The following NLRP11 variants were observed in gnomAD, a reference collection of about 807,000 sequenced individuals.
The protein encoded by NLRP11 is NLR family pyrin domain containing 11.
Under a neutral mutation model 79.3 loss-of-function variants are expected in NLRP11, and 53 were observed. That is an observed-to-expected ratio of 0.67 (90% CI 0.54 to 0.84). The LOEUF is 0.84. NLRP11 is among the 40% of genes least tolerant of loss of function. The pLI, the probability that NLRP11 is intolerant of heterozygous loss-of-function variation, is 0.00. For missense variants in NLRP11, 1,264 were observed against 1,255.0 expected, an observed-to-expected ratio of 1.01 and a Z score of -0.11; for synonymous variants, 518 against 462.6, an observed-to-expected ratio of 1.12 and a Z score of -1.54.
At chr19:55,821,231 ACACACACACACACACACAC>A (rs1385691153) in intron 1 of NLRP11, among the ~76,000 whole-genome samples, 7 of 106,562 alleles carry the variant, frequency 6.6e-5, no homozygotes, top group African/African-American at 4.5e-4. Context: ...ACACACACAC[ACACACACACACACACACAC>A]CCCAAGCACT....
intron 5 of NLRP11, chr19:55,798,462 G>C (rs1367435820): frequency 3.3e-6 from 1 of 305,726 alleles, no homozygotes; most frequent in African/African-American, 2.3e-5. Flanking sequence ...TAAATGATGA[G>C]AACACATGGA....
At chr19:55,821,997 G>A (rs1430952998) in intron 1 of NLRP11, among the ~76,000 whole-genome samples, 7 of 152,180 alleles carry the variant, frequency 4.6e-5, no homozygotes, top group African/African-American at 1.2e-4. Context: ...AGTGGCTCAC[G>A]CCTGTAATCC....
intron 6 of NLRP11, among the ~76,000 whole-genome samples, chr19:55,793,638 A>T (rs927746244): frequency 6.9e-6 from 1 of 144,190 alleles, no homozygotes; most frequent in Non-Finnish European, 1.5e-5. Flanking sequence ...TGGCTCTGGT[A>T]TGGGAAAAGG....
chr19:55,835,725 G>A (rs1983197570), upstream of NLRP11, among the ~76,000 whole-genome samples: 1 of 149,892 alleles, frequency 6.7e-6, no homozygotes, highest in Non-Finnish European at 1.5e-5. Flanking sequence ...GCTCATGCCT[G>A]TAATTCCGGC....
chr19:55,800,457 G>A (rs1045950675), intron 5 of NLRP11, among the ~76,000 whole-genome samples: 1 of 152,126 alleles, frequency 6.6e-6, no homozygotes, highest in Non-Finnish European at 1.5e-5. Context: ...ACAGGCACCT[G>A]CTACCATGCC....
In NLRP11 at chr19:55,809,480, G is replaced by A. The variant is rs201072112; in HGVS notation, c.1130C>T (p.Ala377Val). 7.4e-6 allele frequency: 12 copies of A among 1,614,106 alleles called. No individual in the cohort carries two copies. Among genetic ancestry groups the A allele is most frequent in the Middle Eastern group, 3.3e-4 (2 of 6,062 alleles). Reference sequence around the variant, plus strand: ...AGTAAGTCCAGCCTCTGATGTCAACGCATCAGCAAGAAAGTGGGCATGTAG... The same window carrying A: ...AGTAAGTCCAGCCTCTGATGTCAACACATCAGCAAGAAAGTGGGCATGTAG... The change falls in exon 3 of 10, where the codon GCG becomes GTG. Residue 377 changes from alanine to valine, a missense_variant. By Grantham distance (64) the Ala-to-Val change is moderately conservative (BLOSUM62 0). Coordinates refer to ENST00000589093, the Ensembl canonical transcript of NLRP11. This position sits in a 1 kb window ranked among gnomAD's most constrained non-coding sequence, Gnocchi z 4.5.
intron 6 of NLRP11, among the ~76,000 whole-genome samples, chr19:55,793,430 T>G: frequency 6.6e-6 from 1 of 151,204 alleles, no homozygotes; most frequent in Non-Finnish European, 1.5e-5. Context: ...TTAGCCGGCA[T>G]AGTGGTGTGC....
chr19:55,795,263 C>G (rs1250209532), intron 6 of NLRP11, among the ~76,000 whole-genome samples: 4 of 152,108 alleles, frequency 2.6e-5, no homozygotes, highest in African/African-American at 9.7e-5. Flanking sequence ...ACAGGGAGAG[C>G]CCGTCTTCCA....
intron 1 of NLRP11, among the ~76,000 whole-genome samples, chr19:55,819,045 A>G (rs981150826): frequency 6.6e-5 from 10 of 151,980 alleles, no homozygotes; most frequent in African/African-American, 2.2e-4. Context: ...CCCAGGGTCA[A>G]GATGACTGCA....
intron 1 of NLRP11, among the ~76,000 whole-genome samples, chr19:55,823,206 T>A (rs1285354159): frequency 2.8e-5 from 4 of 144,000 alleles, no homozygotes; most frequent in Admixed American, 6.9e-5. Flanking sequence ...GAGGGTCCTG[T>A]CTGTTAGAAG....
intron 2 of NLRP11, among the ~76,000 whole-genome samples, chr19:55,813,706 G>C (rs1485617643): frequency 6.6e-6 from 1 of 152,186 alleles, no homozygotes; most frequent in African/African-American, 2.4e-5. Context: ...ATGATCAAGA[G>C]AAGCAGGAAG....
intron 6 of NLRP11, among the ~76,000 whole-genome samples, chr19:55,794,587 C>T (rs1054404620): frequency 2.0e-5 from 3 of 151,982 alleles, no homozygotes; most frequent in Non-Finnish European, 2.9e-5. Context: ...GGTGAAACCC[C>T]GTCTCTACTA....
intron 2 of NLRP11, among the ~76,000 whole-genome samples, chr19:55,814,762 C>T (rs949286597): frequency 6.6e-6 from 1 of 152,136 alleles, no homozygotes; most frequent in Non-Finnish European, 1.5e-5. Context: ...GAGAACAGAG[C>T]AGCAACACCA....
intron 6 of NLRP11, 131 bp downstream of exon 6, chr19:55,795,949 G>C: frequency 2.6e-6 from 2 of 760,350 alleles, no homozygotes; most frequent in Non-Finnish European, 4.3e-6. Context: ...CAGACCTACT[G>C]AACTCCAAAG....
In NLRP11 at chr19:55,792,291, G is replaced by A; in HGVS notation, c.2513+10C>T. The A allele has an allele frequency of 6.2e-7, 1 of 1,612,076 alleles. No homozygotes were observed. The highest frequency in any genetic ancestry group is 8.5e-7 in the Non-Finnish European group (1 of 1,178,378). ...AACACAGTCATCCAGGACAACTGTG[G>A]GAGACTTACTGAAGCTCCTCTAACT... On this transcript the variant is annotated intron_variant, in intron 7 of 9. Coordinates refer to ENST00000589093, the Ensembl canonical transcript of NLRP11.
intron 4 of NLRP11, among the ~76,000 whole-genome samples, chr19:55,802,048 A>C (rs1192627615): frequency 2.0e-5 from 3 of 152,184 alleles, no homozygotes; most frequent in East Asian, 3.8e-4. Context: ...ATACATCCAC[A>C]TGCACAAGTT....
chr19:55,812,220 A>G (rs1325335706), intron 2 of NLRP11, among the ~76,000 whole-genome samples: 3 of 152,230 alleles, frequency 2.0e-5, no homozygotes, highest in Admixed American at 2.0e-4. Context: ...ATATCCCCAT[A>G]TATTAGGTAT....
intron 9 of NLRP11, among the ~76,000 whole-genome samples, chr19:55,787,872 G>T (rs753757691): frequency 6.6e-6 from 1 of 152,144 alleles, no homozygotes; most frequent in Non-Finnish European, 1.5e-5. Flanking sequence ...AGCACTACAG[G>T]AACTGAATTC....
At chr19:55,818,320 G>T in intron 1 of NLRP11, 84 bp from the exon 2 acceptor site, 2 of 657,492 alleles carry the variant, frequency 3.0e-6, no homozygotes, top group Non-Finnish European at 5.1e-6. Flanking sequence ...AATTCCTGTG[G>T]TGTGATAGAA....
Sources: gnomAD v4.1 joint callset for allele counts (sites outside exome capture counted in the v4.1 genomes callset) on GRCh38, gnomAD v4.1.1 for gene constraint, Gnocchi (gnomAD v3.1) non-coding constraint, MANE v1.5 for transcripts, NCBI Gene and HGNC (gene_info 2026-07-23, HGNC 2026-07-21) for gene names.